Variants in ZNF385D observed in about 807,000 individuals in gnomAD.
The protein encoded by ZNF385D is zinc finger protein 385D.
Under a neutral mutation model 35.8 loss-of-function variants are expected in ZNF385D, and 15 were observed. That is an observed-to-expected ratio of 0.42 (90% CI 0.28 to 0.64). ZNF385D has a LOEUF of 0.64. Ranked by LOEUF, ZNF385D falls within the 30% of genes least tolerant of loss-of-function variation. The pLI, the probability that ZNF385D is intolerant of heterozygous loss-of-function variation, is 0.23. For missense variants in ZNF385D, 474 were observed against 494.6 expected (o/e 0.96, Z 0.39); for synonymous variants, 212 against 186.8 (o/e 1.13, Z -1.10).
At position 21,950,455 on chromosome 3, in the gene ZNF385D, T is replaced by G. The variant is rs145139137; in HGVS notation, c.325+218362A>C. Among the ~76,000 whole-genome samples, 202 of 151,914 alleles carry G rather than the reference T, an allele frequency of 1.3e-3. 1 individual carries two copies. Among genetic ancestry groups the G allele is most frequent in the Middle Eastern group, 3.4e-3 (1 of 294 alleles). On this transcript the variant is annotated intron_variant, in intron 3 of 5. Transcript: ENST00000494108. ...CTTTGTAGATTCTGGATATTAGCCC[T>G]TTGTCAGAGGCACAGATTGCAAAAA...
chr3:22,207,315 G>A (rs1344019918), intron 2 of ZNF385D, among the ~76,000 whole-genome samples: 1 of 151,748 alleles, frequency 6.6e-6, no homozygotes, highest in African/African-American at 2.4e-5. Flanking sequence ...TTTCAACAAA[G>A]GTGTCAAGAG....
At chr3:22,301,075 A>C (rs1471679386) in intron 2 of ZNF385D, among the ~76,000 whole-genome samples, 1 of 152,058 alleles carries the variant, frequency 6.6e-6, no homozygotes, top group African/African-American at 2.4e-5. Context: ...TGTTCTACAT[A>C]GACACAGTGT....
chr3:22,357,470 A>G (rs2125506035), intron 2 of ZNF385D, among the ~76,000 whole-genome samples: 1 of 152,012 alleles, frequency 6.6e-6, no homozygotes, highest in Middle Eastern at 3.4e-3. Flanking sequence ...AAAACTTGGA[A>G]GTGCAGATAT....
intron 3 of ZNF385D, among the ~76,000 whole-genome samples, chr3:21,784,846 G>T (rs1484029033): frequency 1.3e-5 from 2 of 151,950 alleles, no homozygotes; most frequent in African/African-American, 4.8e-5. Flanking sequence ...GCTCCACATG[G>T]CACTGTTACT....
chr3:22,129,005 T>A (rs182750101), intron 3 of ZNF385D, among the ~76,000 whole-genome samples: 18 of 152,260 alleles, frequency 1.2e-4, no homozygotes, highest in African/African-American at 4.1e-4. Flanking sequence ...GAGTGTTGTG[T>A]TCTAAGTCTT....
chr3:21,478,328 G>C (rs559977321), intron 4 of ZNF385D, among the ~76,000 whole-genome samples: 1 of 152,030 alleles, frequency 6.6e-6, no homozygotes, highest in Non-Finnish European at 1.5e-5. Flanking sequence ...CCAGAGGAGT[G>C]CATATATGCC....
intron 2 of ZNF385D, among the ~76,000 whole-genome samples, chr3:21,600,899 A>G (rs2064268644): frequency 6.6e-6 from 1 of 151,984 alleles, no homozygotes; most frequent in African/African-American, 2.4e-5. Flanking sequence ...AAAGGGATGA[A>G]TAGATTAAAA....
At position 21,831,586 on chromosome 3, in the gene ZNF385D, T is replaced by C. The variant is rs372364749; in HGVS notation, c.326-166558A>G. 3.3e-5 allele frequency among the ~76,000 whole-genome samples: 5 copies of C among 152,296 alleles called. No homozygotes were observed. The East Asian group carries it at 9.7e-4, about 29-fold the overall frequency. ...GCTTCTCATTCATTCAATCAATATT[T>C]ACTGAGTTTAAATCTGGTTTAAATC... On this transcript the variant is annotated intron_variant, in intron 3 of 5. Coordinates refer to the ZNF385D transcript ENST00000494108.
chr3:21,966,160 C>T lies in ZNF385D; in HGVS notation c.325+202657G>A, dbSNP rs540079648. On this transcript the variant is annotated intron_variant, in intron 3 of 5. Transcript: ENST00000494108. ...GTTCTCCATACTGAGTAGTGCAGTT[C>T]TATCTCAATGGATTTGATGAAACCA... Among the ~76,000 whole-genome samples, 15 of 152,216 alleles carry T rather than the reference C, an allele frequency of 9.9e-5. No individual in the cohort carries two copies. The South Asian group carries it at 2.3e-3, about 23-fold the overall frequency.
intron 3 of ZNF385D, among the ~76,000 whole-genome samples, chr3:21,893,659 G>C (rs976414356): frequency 6.6e-6 from 1 of 152,114 alleles, no homozygotes; most frequent in Non-Finnish European, 1.5e-5. Context: ...CCAAGACAGA[G>C]TACCAACAGT....
intron 1 of ZNF385D, among the ~76,000 whole-genome samples, 195 bp from the exon 2 acceptor site, chr3:21,665,223 A>G (rs2125262843): frequency 6.6e-6 from 1 of 152,278 alleles, no homozygotes; most frequent in East Asian, 1.9e-4. Context: ...GAACTGCTCC[A>G]TTTTCCTTTG....
At chr3:22,290,933 T>C (rs1702270661) in intron 2 of ZNF385D, among the ~76,000 whole-genome samples, 1 of 152,126 alleles carries the variant, frequency 6.6e-6, no homozygotes, top group African/African-American at 2.4e-5. Context: ...TATTTTTGTG[T>C]GCTTTTCCTT....
chr3:22,036,790 C>T (rs945038037), intron 3 of ZNF385D, among the ~76,000 whole-genome samples: 6 of 150,250 alleles, frequency 4.0e-5, no homozygotes, highest in African/African-American at 1.5e-4. Flanking sequence ...TATACATGTG[C>T]CATGTTGGTG....
At chr3:21,621,758 C>T (rs531422013) in intron 2 of ZNF385D, among the ~76,000 whole-genome samples, 6 of 152,060 alleles carry the variant, frequency 3.9e-5, no homozygotes, top group Middle Eastern at 3.4e-3. Context: ...TTCTGAGATA[C>T]TCAAGCACAT....
intron 2 of ZNF385D, among the ~76,000 whole-genome samples, chr3:21,604,988 G>C (rs1353169882): frequency 1.3e-5 from 2 of 152,138 alleles, no homozygotes; most frequent in Admixed American, 6.6e-5. Context: ...AGTTGCCTTG[G>C]GCATACCTCT....
At chr3:21,973,682 G>C (rs1431759634) in intron 3 of ZNF385D, among the ~76,000 whole-genome samples, 1 of 151,918 alleles carries the variant, frequency 6.6e-6, no homozygotes, top group Non-Finnish European at 1.5e-5. Flanking sequence ...AAAACCTAAA[G>C]ACTCTGACAG....
At chr3:21,812,612 C>T (rs1212315884) in intron 3 of ZNF385D, among the ~76,000 whole-genome samples, 6 of 152,304 alleles carry the variant, frequency 3.9e-5, no homozygotes, top group African/African-American at 7.2e-5. Context: ...CACAGCAGTC[C>T]GAGATCGAAC....
intron 3 of ZNF385D, among the ~76,000 whole-genome samples, chr3:21,879,928 T>C (rs1698188258): frequency 6.6e-6 from 1 of 151,958 alleles, no homozygotes; most frequent in Admixed American, 6.6e-5. Flanking sequence ...AACTCTTCTT[T>C]CATGTAATCT....
At chr3:21,928,879 C>G (rs965496695) in intron 3 of ZNF385D, among the ~76,000 whole-genome samples, 1 of 151,890 alleles carries the variant, frequency 6.6e-6, no homozygotes, top group African/African-American at 2.4e-5. Flanking sequence ...AGAGTTTTAC[C>G]GTGAATTCTG....
Sources: allele counts gnomAD v4.1 joint callset (sites outside exome capture counted in the v4.1 genomes callset), GRCh38; gene constraint gnomAD v4.1.1; transcripts MANE v1.5; gene names NCBI Gene and HGNC (gene_info 2026-07-23, HGNC 2026-07-21).